PROS1: variants seen among roughly 807,000 people sequenced by gnomAD.
PROS1 encodes the protein vitamin K-dependent protein S.
PROS1 carries 29 observed loss-of-function variants against 75.9 expected under a neutral mutation model. That is an observed-to-expected ratio of 0.38 (90% CI 0.28 to 0.52). The LOEUF is 0.52. Among genes scored for constraint, PROS1 ranks in the 20% least tolerant of loss-of-function variants. The pLI, the probability that PROS1 is intolerant of heterozygous loss-of-function variation, is 0.83. For missense variants in PROS1, 680 were observed against 810.3 expected (o/e 0.84, Z 1.95); for synonymous variants, 245 against 280.6 (o/e 0.87, Z 1.27).
intron 1 of PROS1, among the ~76,000 whole-genome samples, chr3:93,952,092 G>C (rs1002011859): frequency 1.2e-4 from 18 of 152,148 alleles, no homozygotes; most frequent in Non-Finnish European, 2.2e-4. Context: ...CAAGTCCTTA[G>C]AGACCTAGAA....
chr3:93,897,642 A>G (rs1328571520), intron 8 of PROS1, among the ~76,000 whole-genome samples: 1 of 152,100 alleles, frequency 6.6e-6, no homozygotes, highest in East Asian at 1.9e-4. Flanking sequence ...TTTTCTGGAC[A>G]TATACAGCTT....
chr3:93,921,904 T>C (rs1708947550), intron 3 of PROS1, among the ~76,000 whole-genome samples: 1 of 152,216 alleles, frequency 6.6e-6, no homozygotes, highest in Non-Finnish European at 1.5e-5. Context: ...TCTGTTTTTG[T>C]TATTTTAAAA....
At chr3:93,933,160 G>A (rs1709131853) in intron 1 of PROS1, among the ~76,000 whole-genome samples, 1 of 152,220 alleles carries the variant, frequency 6.6e-6, no homozygotes, top group Non-Finnish European at 1.5e-5. Context: ...GTGGGCTTCA[G>A]TGTTGGATGA....
chr3:93,886,957 G>A (rs1314720222), intron 10 of PROS1, among the ~76,000 whole-genome samples: 2 of 150,014 alleles, frequency 1.3e-5, no homozygotes, highest in Non-Finnish European at 3.0e-5. Context: ...TGTCGCCCAG[G>A]CCAGACTGCG....
At chr3:93,880,135 T>C (rs529768409) in intron 12 of PROS1, among the ~76,000 whole-genome samples, 2 of 152,318 alleles carry the variant, frequency 1.3e-5, no homozygotes, top group East Asian at 1.9e-4. Flanking sequence ...AGGAAAATCA[T>C]TTTCCTTTGA....
intron 1 of PROS1, among the ~76,000 whole-genome samples, chr3:93,937,278 T>C (rs2107218981): frequency 6.6e-6 from 1 of 152,224 alleles, no homozygotes; most frequent in African/African-American, 2.4e-5. Flanking sequence ...AGTGGTCAGA[T>C]TGAAACAGAA....
chr3:93,919,208 G>A (rs1708907448), intron 3 of PROS1, among the ~76,000 whole-genome samples: 1 of 152,158 alleles, frequency 6.6e-6, no homozygotes, highest in Non-Finnish European at 1.5e-5. Context: ...GTGGAATTGT[G>A]TGATCATTAA....
chr3:93,912,098 G>T (rs1576190432), intron 3 of PROS1, among the ~76,000 whole-genome samples: 1 of 152,136 alleles, frequency 6.6e-6, no homozygotes, highest in African/African-American at 2.4e-5. Flanking sequence ...ACAGTGCCGA[G>T]AGTCCAAAAC....
At chr3:93,971,572 C>T (rs1217504620) in intron 1 of PROS1, among the ~76,000 whole-genome samples, 1 of 150,202 alleles carries the variant, frequency 6.7e-6, no homozygotes, top group African/African-American at 2.4e-5. Flanking sequence ...TCAAGACCAG[C>T]CTAGGCAATA....
At chr3:93,939,132 G>T (rs1709236730) in intron 1 of PROS1, among the ~76,000 whole-genome samples, 2 of 152,114 alleles carry the variant, frequency 1.3e-5, no homozygotes, top group South Asian at 4.2e-4. Context: ...AATGCCACTT[G>T]ACCCCAATAC....
intron 8 of PROS1, 30 bp downstream of exon 8, chr3:93,898,418 G>T: frequency 6.2e-7 from 1 of 1,610,368 alleles, no homozygotes; most frequent in Non-Finnish European, 8.5e-7. Flanking sequence ...TAGAAAACAG[G>T]TGAGAAGTTA....
At chr3:93,953,267 C>A (rs369127858) in intron 1 of PROS1, among the ~76,000 whole-genome samples, 9 of 152,164 alleles carry the variant, frequency 5.9e-5, no homozygotes, top group Admixed American at 5.9e-4. Context: ...GGCAGAGACA[C>A]AACAACAAAA....
At chr3:93,889,358 T>A (rs979802943) in intron 10 of PROS1, among the ~76,000 whole-genome samples, 2 of 152,204 alleles carry the variant, frequency 1.3e-5, no homozygotes, top group African/African-American at 4.8e-5. Context: ...GAATAAGGAT[T>A]AGCACATAGA....
intron 1 of PROS1, among the ~76,000 whole-genome samples, chr3:93,957,661 T>C (rs1273734420): frequency 1.3e-5 from 2 of 152,168 alleles, no homozygotes; most frequent in African/African-American, 2.4e-5. Context: ...AAACACTACA[T>C]TGTACCCTAT....
chr3:93,906,691 G>T (rs1418303854), intron 4 of PROS1, among the ~76,000 whole-genome samples: 1 of 152,246 alleles, frequency 6.6e-6, no homozygotes, highest in Non-Finnish European at 1.5e-5. Context: ...CCCAAGCCTG[G>T]CTGGAAACCT....
chr3:93,965,114 A>AT (rs1709767590), intron 1 of PROS1, among the ~76,000 whole-genome samples: 1 of 152,188 alleles, frequency 6.6e-6, no homozygotes, highest in African/African-American at 2.4e-5. Flanking sequence ...AAGGATCGGG[A>AT]TAAAAACCCA....
intron 1 of PROS1, among the ~76,000 whole-genome samples, chr3:93,946,866 C>T (rs931385417): frequency 2.1e-5 from 3 of 144,660 alleles, no homozygotes; most frequent in African/African-American, 7.7e-5. Flanking sequence ...AAACTATCAT[C>T]AGAGTGAACA....
At chr3:93,953,708 G>A (rs902763423) in intron 1 of PROS1, among the ~76,000 whole-genome samples, 14 of 152,034 alleles carry the variant, frequency 9.2e-5, no homozygotes, top group Non-Finnish European at 1.5e-4. Flanking sequence ...TTCAAAATAG[G>A]GTTGGAAGTT....
At chr3:93,920,262 A>G (rs1484479485) in intron 3 of PROS1, among the ~76,000 whole-genome samples, 2 of 152,084 alleles carry the variant, frequency 1.3e-5, no homozygotes, top group African/African-American at 2.4e-5. Context: ...AAATAAAATA[A>G]AATCAATTTG....
Sources: gnomAD v4.1 joint callset for allele counts (sites outside exome capture counted in the v4.1 genomes callset) on GRCh38, gnomAD v4.1.1 for gene constraint, MANE v1.5 for transcripts, NCBI Gene and HGNC (gene_info 2026-07-23, HGNC 2026-07-21) for gene names.